The following CSMD1 variants were observed in gnomAD, a reference collection of about 807,000 sequenced individuals.
CSMD1 encodes the protein CUB and sushi domain-containing protein 1.
CSMD1 carries 213 observed loss-of-function variants against 417.5 expected under a neutral mutation model. The observed-to-expected ratio is 0.51, with a 90% CI of 0.46 to 0.57. The LOEUF (loss-of-function observed/expected upper bound fraction) is 0.57. Ranked by LOEUF, CSMD1 falls within the 20% of genes least tolerant of loss-of-function variation. The pLI is 0.00. For synonymous variants in CSMD1, 2,862 were observed against 1,736.8 expected, an observed-to-expected ratio of 1.65 and a Z score of -16.11; for missense variants, 6,923 against 4,529.7, an observed-to-expected ratio of 1.53 and a Z score of -15.17.
At chr8:3,794,843 G>A (rs1363198913) in intron 5 of CSMD1, among the ~76,000 whole-genome samples, 2 of 147,306 alleles carry the variant, frequency 1.4e-5, no homozygotes, top group Admixed American at 7.0e-5. Context: ...TATCAAGGAA[G>A]CCCATATCCG....
chr8:4,530,489 C>G (rs947237875), intron 2 of CSMD1, among the ~76,000 whole-genome samples: 1 of 151,212 alleles, frequency 6.6e-6, no homozygotes, highest in African/African-American at 2.4e-5. Context: ...CACTATCCCT[C>G]CCCTTTCCCC....
Position 3,684,967 on chromosome 8 carries a change from T to C in CSMD1, c.1009+23447A>G, listed in dbSNP as rs77463556. The stretch of plus-strand genomic sequence containing the variant: ...ATTAAACTGCCTTTGGAATAACCTG[T>C]GGTAGGAAAGTCAATACGGGAATCA... On this transcript the variant is annotated intron_variant, in intron 7 of 69. Coordinates refer to ENST00000635120, the MANE Select transcript of CSMD1 (RefSeq NM_033225.6). Among the ~76,000 whole-genome samples, 520 of 152,218 alleles carry C rather than the reference T, an allele frequency of 3.4e-3. 13 individuals are homozygous for C. In the East Asian group the frequency reaches 0.077, roughly 23 times the overall value.
intron 36 of CSMD1, among the ~76,000 whole-genome samples, chr8:3,185,542 C>T (rs995074042): frequency 6.6e-6 from 1 of 152,156 alleles, no homozygotes; most frequent in African/African-American, 2.4e-5. Context: ...ATATTTAATA[C>T]TCTCTTTTGA....
chr8:4,509,399 G>A (rs1457806742), intron 2 of CSMD1, among the ~76,000 whole-genome samples: 1 of 152,082 alleles, frequency 6.6e-6, no homozygotes, highest in African/African-American at 2.4e-5. Flanking sequence ...TGCTTCAAAG[G>A]GGAATCAGAT....
At chr8:3,258,227 A>G (rs1046153258) in intron 26 of CSMD1, among the ~76,000 whole-genome samples, 45 of 152,236 alleles carry the variant, frequency 3.0e-4, no homozygotes, top group African/African-American at 9.4e-4. Flanking sequence ...TCCAGCATCT[A>G]TAAGGAACTT....
intron 1 of CSMD1, among the ~76,000 whole-genome samples, chr8:4,958,986 G>A (rs1385426999): frequency 1.3e-5 from 2 of 152,142 alleles, no homozygotes; most frequent in East Asian, 1.9e-4. Context: ...AACAAGAAAC[G>A]TGAAAACTTA....
At position 3,719,612 on chromosome 8, in the gene CSMD1, T is replaced by C. The variant is rs576468978; in HGVS notation, c.932-11121A>G. Reference sequence around the variant, plus strand: ...AGAGTGCTGTGATGAACGAAAAAGATGCTCTATGCACAGAGGAAAGTGCAC... The same window carrying C: ...AGAGTGCTGTGATGAACGAAAAAGACGCTCTATGCACAGAGGAAAGTGCAC... On this transcript the variant is annotated intron_variant, in intron 6 of 69. Coordinates refer to ENST00000635120, the MANE Select transcript of CSMD1 (RefSeq NM_033225.6). Among the ~76,000 whole-genome samples, 5 of 152,278 alleles carry C rather than the reference T, an allele frequency of 3.3e-5. No individual in the cohort carries two copies. In the South Asian group the frequency reaches 6.2e-4, roughly 19 times the overall value.
At chr8:3,470,147 TG>T (rs1331354716) in intron 11 of CSMD1, among the ~76,000 whole-genome samples, 1 of 152,194 alleles carries the variant, frequency 6.6e-6, no homozygotes, top group African/African-American at 2.4e-5. Flanking sequence ...CCTCCCATCT[TG>T]CCAAACTATC....
intron 40 of CSMD1, among the ~76,000 whole-genome samples, chr8:3,144,243 C>A (rs1048899994): frequency 6.6e-6 from 1 of 151,688 alleles, no homozygotes; most frequent in African/African-American, 2.4e-5. Context: ...TAACCCCGCA[C>A]TAACGGACAA....
chr8:3,623,219 G>A (rs146215619), intron 7 of CSMD1, among the ~76,000 whole-genome samples: 90 of 152,308 alleles, frequency 5.9e-4, no homozygotes, highest in African/African-American at 2.1e-3. Context: ...TTCAAAGCAT[G>A]TTGATTTATA....
chr8:4,673,986 G>T, intron 1 of CSMD1, among the ~76,000 whole-genome samples: 1 of 152,096 alleles, frequency 6.6e-6, no homozygotes, highest in Non-Finnish European at 1.5e-5. Context: ...AAAAACCATC[G>T]AATTGTGCAC....
chr8:4,322,835 A>G (rs554749316), intron 3 of CSMD1, among the ~76,000 whole-genome samples: 10 of 152,272 alleles, frequency 6.6e-5, no homozygotes, highest in African/African-American at 2.4e-4. Context: ...ACTCTCCTAC[A>G]AACACACAAA....
intron 2 of CSMD1, among the ~76,000 whole-genome samples, chr8:4,572,838 C>G (rs1359252395): frequency 6.6e-6 from 1 of 152,126 alleles, no homozygotes; most frequent in African/African-American, 2.4e-5. Flanking sequence ...TTTCTCTAAT[C>G]TTGTCTTCAT....
chr8:3,438,598 A>C (rs1489480102), intron 12 of CSMD1, among the ~76,000 whole-genome samples: 1 of 152,150 alleles, frequency 6.6e-6, no homozygotes, highest in Non-Finnish European at 1.5e-5. Context: ...TTTATTGCTG[A>C]GTGGGATTTC....
chr8:3,779,665 G>A (rs1799072670), intron 5 of CSMD1, among the ~76,000 whole-genome samples: 2 of 152,138 alleles, frequency 1.3e-5, no homozygotes, highest in South Asian at 4.1e-4. Context: ...GCAATGATAT[G>A]ACATTTAAAA....
In CSMD1 at chr8:4,259,042, T is replaced by C. The variant is rs192330084; in HGVS notation, c.415+160911A>G. ...GAAATGTTGAACTTTAAAGGAAAAA[T>C]TGTGCAAAGACCCTGCTTTGAGTTT... On this transcript the variant is annotated intron_variant, in intron 3 of 69. Coordinates refer to ENST00000635120, the MANE Select transcript of CSMD1 (RefSeq NM_033225.6). 1.8e-4 allele frequency among the ~76,000 whole-genome samples: 27 copies of C among 152,270 alleles called. No individual in the cohort carries two copies. In the East Asian group the frequency reaches 4.6e-3, roughly 26 times the overall value.
chr8:3,957,510 TATAAAAA>T (rs1246436919), intron 5 of CSMD1, among the ~76,000 whole-genome samples: 1 of 152,032 alleles, frequency 6.6e-6, no homozygotes, highest in Non-Finnish European at 1.5e-5. Context: ...CACTCTTCTC[TATAAAAA>T]ATAAAATTTT....
At position 4,678,283 on chromosome 8, in the gene CSMD1, C is replaced by T. The variant is rs543667481; in HGVS notation, c.86-40725G>A. On this transcript the variant is annotated intron_variant, in intron 1 of 69. Transcript: ENST00000635120. The stretch of plus-strand genomic sequence containing the variant: ...AAAATTAGCCAGGTGTGGTGGCACG[C>T]ACCTGTAGTCCCAACTACTTGGGAG... 2.6e-5 allele frequency among the ~76,000 whole-genome samples: 4 copies of T among 152,076 alleles called. No individual in the cohort carries two copies. In the East Asian group the frequency reaches 7.8e-4, roughly 30 times the overall value.
intron 26 of CSMD1, among the ~76,000 whole-genome samples, chr8:3,258,245 T>A (rs1332063896): frequency 6.6e-6 from 1 of 151,990 alleles, no homozygotes; most frequent in Non-Finnish European, 1.5e-5. Flanking sequence ...CTTGGACAAA[T>A]TTACACGACA....
Sources: gnomAD v4.1 joint callset for allele counts (sites outside exome capture counted in the v4.1 genomes callset) on GRCh38, gnomAD v4.1.1 for gene constraint, MANE v1.5 for transcripts, NCBI Gene and HGNC (gene_info 2026-07-23, HGNC 2026-07-21) for gene names.